Variants in PLCB1 observed in about 807,000 individuals in gnomAD.
PLCB1 encodes the protein 1-phosphatidylinositol 4,5-bisphosphate phosphodiesterase beta-1.
In PLCB1, 46 loss-of-function variants were observed where a neutral mutation model predicts 161.8. The ratio of observed to expected loss-of-function variants is 0.28; its 90% CI spans 0.22 to 0.36. PLCB1 has a LOEUF of 0.36. Among genes scored for constraint, PLCB1 ranks in the 10% least tolerant of loss-of-function variants. The pLI, the probability that PLCB1 is intolerant of heterozygous loss-of-function variation, is 1.00. For synonymous variants in PLCB1, 517 were observed against 503.7 expected (o/e 1.03, Z -0.35); for missense variants, 1,016 against 1,472.5 (o/e 0.69, Z 5.07).
At chr20:8,378,332 G>A (rs752582365) in intron 3 of PLCB1, among the ~76,000 whole-genome samples, 4 of 151,994 alleles carry the variant, frequency 2.6e-5, no homozygotes, top group African/African-American at 4.8e-5. Context: ...ATTTGGTTCC[G>A]GAACAACACA....
chr20:8,718,832 A>G (rs986648007), intron 14 of PLCB1, among the ~76,000 whole-genome samples: 9 of 152,232 alleles, frequency 5.9e-5, no homozygotes, highest in Admixed American at 1.3e-4. Context: ...AATATTAACT[A>G]TAGAACTGAG....
intron 3 of PLCB1, among the ~76,000 whole-genome samples, chr20:8,448,351 A>G (rs1321303760): frequency 6.6e-6 from 1 of 152,184 alleles, no homozygotes; most frequent in East Asian, 1.9e-4. Context: ...CTAGCAGTTG[A>G]TAATTATAGC....
At chr20:8,438,576 A>G (rs1464058747) in intron 3 of PLCB1, among the ~76,000 whole-genome samples, 1 of 152,212 alleles carries the variant, frequency 6.6e-6, no homozygotes, top group African/African-American at 2.4e-5. Flanking sequence ...CAACCCAATA[A>G]GAAAGTGAAG....
intron 31 of PLCB1, among the ~76,000 whole-genome samples, chr20:8,821,547 ATATATATAT>A (rs1985415161): frequency 1.1e-5 from 1 of 94,506 alleles, no homozygotes; most frequent in Non-Finnish European, 2.1e-5. Context: ...ATATATATAT[ATATATATAT>A]ATTTAAATGA....
chr20:8,228,908 C>T (rs75725966), intron 2 of PLCB1, among the ~76,000 whole-genome samples: 24,734 of 152,016 alleles, frequency 0.16, 2,440 homozygotes, highest in African/African-American at 0.28. Flanking sequence ...CATTCAAAAT[C>T]CTGTCTTATA....
At chr20:8,222,483 T>G (rs1171395294) in intron 2 of PLCB1, among the ~76,000 whole-genome samples, 1 of 152,172 alleles carries the variant, frequency 6.6e-6, no homozygotes, top group Admixed American at 6.6e-5. Flanking sequence ...TTTGTATTAC[T>G]CTAGTGGCTT....
At chr20:8,847,914 C>T (rs1385366770) in intron 31 of PLCB1, among the ~76,000 whole-genome samples, 1 of 152,174 alleles carries the variant, frequency 6.6e-6, no homozygotes, top group Non-Finnish European at 1.5e-5. Flanking sequence ...AATCTATTTT[C>T]TCACAGTTCT....
intron 4 of PLCB1, among the ~76,000 whole-genome samples, chr20:8,644,708 G>T (rs1989101732): frequency 6.6e-6 from 1 of 150,750 alleles, no homozygotes; most frequent in African/African-American, 2.4e-5. Flanking sequence ...GGAGGTGGGG[G>T]GGTCAGCCCC....
chr20:8,511,964 T>C (rs896282279), intron 3 of PLCB1, among the ~76,000 whole-genome samples: 2 of 152,180 alleles, frequency 1.3e-5, no homozygotes, highest in African/African-American at 4.8e-5. Context: ...ATATTTTCTC[T>C]CGCTCTGGGT....
chr20:8,778,381 C>A (rs2146208075), intron 27 of PLCB1, among the ~76,000 whole-genome samples: 1 of 152,190 alleles, frequency 6.6e-6, no homozygotes, highest in South Asian at 2.1e-4. Flanking sequence ...CATATGGAAT[C>A]CCACTGATGA....
At chr20:8,358,060 G>GAGGT (rs1986420354) in intron 2 of PLCB1, among the ~76,000 whole-genome samples, 1 of 141,444 alleles carries the variant, frequency 7.1e-6, no homozygotes, top group South Asian at 2.2e-4. Flanking sequence ...GCCTGCCAGG[G>GAGGT]AGGTGGCCCT....
intron 27 of PLCB1, among the ~76,000 whole-genome samples, chr20:8,786,305 T>C (rs6133621): frequency 0.32 from 48,514 of 151,994 alleles, 8,307 homozygotes; most frequent in East Asian, 0.5. Flanking sequence ...GACAGCTTGA[T>C]AAATGGCATG....
At chr20:8,778,425 G>A (rs1383171858) in intron 27 of PLCB1, among the ~76,000 whole-genome samples, 1 of 152,116 alleles carries the variant, frequency 6.6e-6, no homozygotes, top group African/African-American at 2.4e-5. Context: ...CTTTTCTCCT[G>A]GAGGAGAAGG....
At chr20:8,192,326 A>G (rs980406608) in intron 2 of PLCB1, among the ~76,000 whole-genome samples, 4 of 151,846 alleles carry the variant, frequency 2.6e-5, no homozygotes. Context: ...TTGCCCGAGA[A>G]GCTAATTTAA....
chr20:8,693,199 A>G (rs1186221097), intron 10 of PLCB1, among the ~76,000 whole-genome samples: 1 of 152,152 alleles, frequency 6.6e-6, no homozygotes, highest in Admixed American at 6.5e-5. Context: ...TCCCACAGAA[A>G]ATGTTTTGGG....
At chr20:8,683,987 A>C (rs952444746) in intron 9 of PLCB1, among the ~76,000 whole-genome samples, 4 of 150,270 alleles carry the variant, frequency 2.7e-5, no homozygotes, top group South Asian at 2.1e-4. Context: ...GGGTTCAAAC[A>C]ATTCTCCTGC....
chr20:8,880,856 CTTTCTTTTT>C (rs1823674630), intron 31 of PLCB1: 1 of 107,586 alleles, frequency 9.3e-6, no homozygotes, highest in South Asian at 3.7e-4. Context: ...TTCTTTCTTT[CTTTCTTTTT>C]TTTTTTTTTT....
At chr20:8,602,030 G>A (rs1987601853) in intron 3 of PLCB1, among the ~76,000 whole-genome samples, 1 of 152,078 alleles carries the variant, frequency 6.6e-6, no homozygotes, top group Non-Finnish European at 1.5e-5. Flanking sequence ...TAGGATATCT[G>A]ATGGTCCTCC....
At chr20:8,317,517 C>A (rs1218646660) in intron 2 of PLCB1, among the ~76,000 whole-genome samples, 1 of 151,874 alleles carries the variant, frequency 6.6e-6, no homozygotes, top group Non-Finnish European at 1.5e-5. Flanking sequence ...AATTTACACC[C>A]CCCCATCCCC....
Sources: gnomAD v4.1 joint callset for allele counts (sites outside exome capture counted in the v4.1 genomes callset) on GRCh38, gnomAD v4.1.1 for gene constraint, MANE v1.5 for transcripts, NCBI Gene and HGNC (gene_info 2026-07-23, HGNC 2026-07-21) for gene names.